TEX26: variants seen among roughly 807,000 people sequenced by gnomAD.
TEX26 encodes the protein testis expressed 26.
TEX26 carries 34 observed loss-of-function variants against 35.3 expected under a neutral mutation model. The observed-to-expected ratio is 0.96, with a 90% CI of 0.73 to 1.28. TEX26 has a LOEUF of 1.28. Ranked by LOEUF, TEX26 falls within the 50% of genes most tolerant of loss-of-function variation. The pLI is 0.00. For synonymous variants in TEX26, 136 were observed against 111.8 expected (o/e 1.22, Z -1.36); for missense variants, 371 against 330.1 (o/e 1.12, Z -0.96).
intron 4 of TEX26, among the ~76,000 whole-genome samples, chr13:30,965,498 G>A (rs1244523142): frequency 1.3e-5 from 2 of 152,204 alleles, no homozygotes; most frequent in Non-Finnish European, 2.9e-5. Flanking sequence ...GGTGTTACAT[G>A]ATATGCCTCT....
intron 1 of TEX26, 147 bp downstream of exon 1, chr13:30,932,923 G>A: frequency 1.2e-6 from 1 of 842,052 alleles, no homozygotes; most frequent in Non-Finnish European, 1.8e-6. Flanking sequence ...CGGGGAGTCA[G>A]GGAGAATGAC....
chr13:30,960,782 C>T (rs1395661811), intron 4 of TEX26, among the ~76,000 whole-genome samples: 1 of 152,134 alleles, frequency 6.6e-6, no homozygotes, highest in Non-Finnish European at 1.5e-5. Flanking sequence ...TCTTAATGGT[C>T]TAATGAAAAT....
chr13:30,950,915 C>T (rs1481528560), intron 2 of TEX26, among the ~76,000 whole-genome samples: 3 of 152,182 alleles, frequency 2.0e-5, no homozygotes, highest in African/African-American at 7.2e-5. Context: ...AAGGGAGAAT[C>T]AGGCAAGGGG....
intron 4 of TEX26, among the ~76,000 whole-genome samples, chr13:30,963,461 A>T (rs1235841207): frequency 6.6e-6 from 1 of 152,230 alleles, no homozygotes; most frequent in African/African-American, 2.4e-5. Flanking sequence ...ACAACATTTT[A>T]TAAAGACAAC....
At chr13:30,974,156 A>ATAT (rs1566172295) in intron 6 of TEX26, among the ~76,000 whole-genome samples, 1 of 142,312 alleles carries the variant, frequency 7.0e-6, no homozygotes, top group Non-Finnish European at 1.5e-5. Context: ...ATATATATAT[A>ATAT]ATTAGGAGTA....
At chr13:30,943,763 C>A (rs1447884529) in intron 2 of TEX26, among the ~76,000 whole-genome samples, 2 of 151,864 alleles carry the variant, frequency 1.3e-5, no homozygotes, top group African/African-American at 2.4e-5. Context: ...TGTGATATAT[C>A]ATATTTGACA....
chr13:30,952,476 G>A (rs1005125613), intron 2 of TEX26, among the ~76,000 whole-genome samples, 184 bp from the exon 3 acceptor site: 5 of 152,208 alleles, frequency 3.3e-5, no homozygotes, highest in South Asian at 2.1e-4. Flanking sequence ...TTTGTTAAAA[G>A]CCATCCTAAA....
intron 6 of TEX26, among the ~76,000 whole-genome samples, chr13:30,974,449 C>T (rs913301746): frequency 6.6e-6 from 1 of 152,180 alleles, no homozygotes; most frequent in Admixed American, 6.5e-5. Flanking sequence ...TGTCTGGGTG[C>T]TTCACACACA....
At chr13:30,970,645 A>C (rs1244165127) in intron 6 of TEX26, among the ~76,000 whole-genome samples, 2 of 152,234 alleles carry the variant, frequency 1.3e-5, no homozygotes, top group Admixed American at 6.5e-5. Flanking sequence ...TTCCCTAAGC[A>C]GATGCTCCCA....
At chr13:30,946,351 T>G (rs1045181909) in intron 2 of TEX26, among the ~76,000 whole-genome samples, 2 of 151,848 alleles carry the variant, frequency 1.3e-5, no homozygotes, top group African/African-American at 4.8e-5. Context: ...TATCCTGAGT[T>G]GTTTCTTAAT....
chr13:30,950,573 G>T (rs560066359), intron 2 of TEX26, among the ~76,000 whole-genome samples: 2 of 152,134 alleles, frequency 1.3e-5, no homozygotes, highest in Admixed American at 6.5e-5. Flanking sequence ...TCTCTCAGAG[G>T]CCTCTCCCTA....
At chr13:30,939,850 C>A in intron 2 of TEX26, 72 bp downstream of exon 2, 1 of 1,337,200 alleles carries the variant, frequency 7.5e-7, no homozygotes, top group Non-Finnish European at 1.1e-6. Context: ...ACTCAGAATC[C>A]AAACACATAG....
chr13:30,941,657 T>G (rs932267013), intron 2 of TEX26, among the ~76,000 whole-genome samples: 1 of 152,218 alleles, frequency 6.6e-6, no homozygotes, highest in Non-Finnish European at 1.5e-5. Flanking sequence ...CCTCCCTCTC[T>G]GCTTCTGAGT....
At chr13:30,950,111 G>A (rs934036155) in intron 2 of TEX26, among the ~76,000 whole-genome samples, 4 of 152,174 alleles carry the variant, frequency 2.6e-5, no homozygotes, top group Admixed American at 6.5e-5. Context: ...AAAATTTGCT[G>A]TCTCGGAAAA....
intron 2 of TEX26, among the ~76,000 whole-genome samples, chr13:30,951,347 C>T (rs1387680695): frequency 1.8e-5 from 2 of 111,674 alleles, no homozygotes; most frequent in Non-Finnish European, 1.9e-5. Context: ...CAGAGCAAGA[C>T]TCTGTCTCAA....
intron 2 of TEX26, among the ~76,000 whole-genome samples, chr13:30,950,917 G>A (rs1555268645): frequency 6.6e-6 from 1 of 152,202 alleles, no homozygotes; most frequent in Non-Finnish European, 1.5e-5. Flanking sequence ...GGGAGAATCA[G>A]GCAAGGGGTA....
At chr13:30,952,000 GATTTTTTTTTTTTTTTTTTTTT>G (rs1953941928) in intron 2 of TEX26, among the ~76,000 whole-genome samples, 1 of 62,196 alleles carries the variant, frequency 1.6e-5, no homozygotes, top group African/African-American at 7.0e-5. Flanking sequence ...ATTATTCTGG[GATTTTTTTTTTTTTTTTTTTTT>G]TTTTTTTTTT....
intron 2 of TEX26, among the ~76,000 whole-genome samples, chr13:30,951,814 C>G (rs189869587): frequency 1.3e-5 from 2 of 152,048 alleles, no homozygotes; most frequent in Admixed American, 1.3e-4. Context: ...GCAATCAAAT[C>G]TCTCCAATTG....
chr13:30,957,076 CTG>C, intron 4 of TEX26, 47 bp downstream of exon 4: 1 of 1,588,332 alleles, frequency 6.3e-7, no homozygotes, highest in Non-Finnish European at 8.6e-7. Context: ...GTGGTAGGCC[CTG>C]GAGTTGCAGT....
Sources: gnomAD v4.1 joint callset for allele counts (sites outside exome capture counted in the v4.1 genomes callset) on GRCh38, gnomAD v4.1.1 for gene constraint, MANE v1.5 for transcripts, NCBI Gene and HGNC (gene_info 2026-07-23, HGNC 2026-07-21) for gene names.